ABLIM1: variants seen among roughly 807,000 people sequenced by gnomAD.
ABLIM1 encodes the protein actin binding LIM protein 1.
ABLIM1 carries 40 observed loss-of-function variants against 107.0 expected under a neutral mutation model. That is an observed-to-expected ratio of 0.37 (90% CI 0.29 to 0.49). The LOEUF is 0.49. Among genes scored for constraint, ABLIM1 ranks in the 20% least tolerant of loss-of-function variants. The probability of loss-of-function intolerance (pLI) is 0.97; values close to 1 mark genes in which losing one functional copy is unlikely to be tolerated. For missense variants in ABLIM1, 857 were observed against 1,008.5 expected (o/e 0.85, Z 2.04); for synonymous variants, 357 against 357.3 (o/e 1.00, Z 0.01).
At chr10:114,588,222 C>T (rs2074405665) in intron 2 of ABLIM1, among the ~76,000 whole-genome samples, 1 of 152,102 alleles carries the variant, frequency 6.6e-6, no homozygotes, top group Non-Finnish European at 1.5e-5. Context: ...CTCCTTTGCT[C>T]CTCCTCAGAA....
chr10:114,496,369 A>G lies in ABLIM1; in HGVS notation c.895-4491T>C, dbSNP rs577184273. On this transcript the variant is annotated intron_variant, in intron 6 of 22. Transcript: ENST00000533213. Reference sequence around the variant, plus strand: ...TTGCAGGGACATGGATGAAGCTGGAAGCCATTATCCTCAGCAAACTAACAC... The same window carrying G: ...TTGCAGGGACATGGATGAAGCTGGAGGCCATTATCCTCAGCAAACTAACAC... Among the ~76,000 whole-genome samples the G allele has an allele frequency of 2.0e-5, 3 of 152,336 alleles. No homozygotes were observed. In the South Asian group the frequency reaches 6.2e-4, roughly 32 times the overall value.
At chr10:114,449,873 C>T (rs928403945) in intron 14 of ABLIM1, among the ~76,000 whole-genome samples, 6 of 152,144 alleles carry the variant, frequency 3.9e-5, no homozygotes, top group East Asian at 1.9e-4. Context: ...CTTTGGAAAG[C>T]GCTGCTCTGG....
intron 1 of ABLIM1, among the ~76,000 whole-genome samples, chr10:114,762,649 T>A (rs576207581): frequency 3.3e-5 from 5 of 152,338 alleles, no homozygotes; most frequent in African/African-American, 1.2e-4. Context: ...ACCTTTGAGG[T>A]AGCCACTGCT....
At chr10:114,725,781 T>A (rs1271111272) in intron 1 of ABLIM1, among the ~76,000 whole-genome samples, 3 of 151,106 alleles carry the variant, frequency 2.0e-5, no homozygotes, top group Non-Finnish European at 4.4e-5. Context: ...GTACTTGCTC[T>A]GTCATCCAGG....
intron 6 of ABLIM1, among the ~76,000 whole-genome samples, chr10:114,501,701 G>A (rs189759074): frequency 1.3e-5 from 2 of 152,254 alleles, no homozygotes; most frequent in African/African-American, 4.8e-5. Flanking sequence ...AGCAGTTTTA[G>A]GTTCACTGAA....
chr10:114,673,339 A>T (rs893359563), intron 1 of ABLIM1, among the ~76,000 whole-genome samples: 11 of 151,858 alleles, frequency 7.2e-5, no homozygotes, highest in Non-Finnish European at 1.2e-4. Flanking sequence ...ATCATTTTTT[A>T]TAATAGTTAA....
At chr10:114,474,193 C>A (rs887087112) in intron 8 of ABLIM1, among the ~76,000 whole-genome samples, 10 of 152,140 alleles carry the variant, frequency 6.6e-5, no homozygotes, top group African/African-American at 2.2e-4. Context: ...TTGTCCCCTA[C>A]GAGAATTTCT....
At chr10:114,459,355 C>T (rs951388219) in intron 12 of ABLIM1, among the ~76,000 whole-genome samples, 1 of 152,240 alleles carries the variant, frequency 6.6e-6, no homozygotes, top group Non-Finnish European at 1.5e-5. Context: ...ATTGACTTAT[C>T]TCAAAGATAT....
intron 2 of ABLIM1, among the ~76,000 whole-genome samples, chr10:114,577,908 A>G (rs1218176772): frequency 6.6e-6 from 1 of 152,198 alleles, no homozygotes. Flanking sequence ...TACCTAAAAT[A>G]TACTTAACAT....
chr10:114,507,737 C>A (rs2061351779), intron 6 of ABLIM1, among the ~76,000 whole-genome samples: 1 of 152,174 alleles, frequency 6.6e-6, no homozygotes, highest in South Asian at 2.1e-4. Context: ...AGGGAGACAG[C>A]CCAACCCACT....
the ABLIM1 span, among the ~76,000 whole-genome samples, chr10:114,789,560 C>T: frequency 6.6e-6 from 1 of 152,116 alleles, no homozygotes; most frequent in Non-Finnish European, 1.5e-5. Context: ...TATAAATGTT[C>T]CCTTTTCTCT....
chr10:114,488,047 A>C, intron 7 of ABLIM1, 31 bp from the exon 8 acceptor site: 1 of 1,612,186 alleles, frequency 6.2e-7, no homozygotes, highest in Admixed American at 1.7e-5. Context: ...ACTAAGAGCC[A>C]GGAAAATGGA....
At chr10:114,535,874 A>G (rs995913629) in intron 6 of ABLIM1, among the ~76,000 whole-genome samples, 2 of 152,152 alleles carry the variant, frequency 1.3e-5, no homozygotes, top group African/African-American at 2.4e-5. Flanking sequence ...ACCTCTGTAC[A>G]CAGAGGGTTG....
At chr10:114,682,399 C>T (rs1591817897) in intron 1 of ABLIM1, among the ~76,000 whole-genome samples, 1 of 152,230 alleles carries the variant, frequency 6.6e-6, no homozygotes, top group South Asian at 2.1e-4. Flanking sequence ...TTTAAAACAT[C>T]CGGGAACCAG....
chr10:114,781,664 G>GTGTATA, the ABLIM1 span, among the ~76,000 whole-genome samples: 4 of 143,356 alleles, frequency 2.8e-5, no homozygotes, highest in South Asian at 2.2e-4. Flanking sequence ...ATATATGCGT[G>GTGTATA]TATATATATA....
intron 12 of ABLIM1, among the ~76,000 whole-genome samples, chr10:114,454,996 A>G (rs1339920803): frequency 6.6e-6 from 1 of 152,210 alleles, no homozygotes; most frequent in African/African-American, 2.4e-5. Context: ...ATTAACACTA[A>G]TAATTTTAAA....
intron 2 of ABLIM1, among the ~76,000 whole-genome samples, chr10:114,585,495 C>G (rs1358291210): frequency 6.6e-6 from 1 of 152,196 alleles, no homozygotes; most frequent in Admixed American, 6.5e-5. Flanking sequence ...CTCTTTTTCT[C>G]TAGTTGCTCC....
chr10:114,731,630 G>C (rs1011490182), intron 1 of ABLIM1, among the ~76,000 whole-genome samples: 2 of 151,046 alleles, frequency 1.3e-5, no homozygotes, highest in East Asian at 3.9e-4. Flanking sequence ...CCACCTCCTA[G>C]GTTCAAACCT....
chr10:114,486,895 T>C (rs1350066433), intron 8 of ABLIM1, among the ~76,000 whole-genome samples: 2 of 152,132 alleles, frequency 1.3e-5, no homozygotes, highest in Non-Finnish European at 2.9e-5. Context: ...GAAAAATATC[T>C]CCTGTGCATA....
Sources: gnomAD v4.1 joint callset for allele counts (sites outside exome capture counted in the v4.1 genomes callset) on GRCh38, gnomAD v4.1.1 for gene constraint, MANE v1.5 for transcripts, NCBI Gene and HGNC (gene_info 2026-07-23, HGNC 2026-07-21) for gene names.